COL28A1: variants seen among roughly 807,000 people sequenced by gnomAD.
COL28A1 encodes collagen type XXVIII alpha 1 chain.
A neutral mutation model predicts 150.2 loss-of-function variants in COL28A1; 161 were observed. The ratio of observed to expected loss-of-function variants is 1.07; its 90% CI spans 0.94 to 1.22. The LOEUF is 1.22. Among genes scored for constraint, COL28A1 ranks in the 50% most tolerant of loss-of-function variants. COL28A1 has a pLI of 0.00. For missense variants in COL28A1, 1,617 were observed against 1,388.3 expected, an observed-to-expected ratio of 1.16 and a Z score of -2.62; for synonymous variants, 552 against 469.7, an observed-to-expected ratio of 1.18 and a Z score of -2.26.
At chr7:7,387,197 T>C (rs17167202) in intron 27 of COL28A1, among the ~76,000 whole-genome samples, 24,341 of 152,008 alleles carry the variant, frequency 0.16, 2,775 homozygotes, top group African/African-American at 0.32. Context: ...CTTGCAAGAA[T>C]GAATCCTGGG....
intron 27 of COL28A1, among the ~76,000 whole-genome samples, chr7:7,394,162 T>C (rs1486266446): frequency 6.6e-6 from 1 of 152,144 alleles, no homozygotes; most frequent in Non-Finnish European, 1.5e-5. Flanking sequence ...GCACAGTCCC[T>C]CATGGCTTCC....
chr7:7,371,030 T>G (rs1781199394), intron 32 of COL28A1, 148 bp from the exon 33 acceptor site: 1 of 612,044 alleles, frequency 1.6e-6, no homozygotes, highest in African/African-American at 1.9e-5. Context: ...TAAAAGCATT[T>G]TTACATCCTG....
At chr7:7,367,571 C>A (rs1781000077) in intron 33 of COL28A1, among the ~76,000 whole-genome samples, 1 of 152,006 alleles carries the variant, frequency 6.6e-6, no homozygotes, top group Non-Finnish European at 1.5e-5. Flanking sequence ...TCATGTGGCT[C>A]TTGGTGTTAT....
rs367935779 is a variant in COL28A1, at chr7:7,515,276, G to A, written c.882+538C>T. 5.9e-5 allele frequency among the ~76,000 whole-genome samples: 9 copies of A among 152,196 alleles called. No individual in the cohort carries two copies. In the South Asian group the frequency reaches 6.2e-4, roughly 11 times the overall value. On this transcript the variant is annotated intron_variant, in intron 8 of 34. Transcript: ENST00000399429. ...AGTTTGGTATCCTAACTTGTAACTC[G>A]CAAATAATCATCAAATCATCTACCA...
At chr7:7,495,187 T>C (rs1308319344) in intron 11 of COL28A1, among the ~76,000 whole-genome samples, 2 of 152,232 alleles carry the variant, frequency 1.3e-5, no homozygotes, top group African/African-American at 2.4e-5. Context: ...CATTTTGACA[T>C]GTAATCAACA....
At chr7:7,411,884 G>C (rs1562577352) in intron 27 of COL28A1, among the ~76,000 whole-genome samples, 1 of 152,202 alleles carries the variant, frequency 6.6e-6, no homozygotes, top group Non-Finnish European at 1.5e-5. Context: ...ACAGTATCAG[G>C]AGAATGACGG....
the COL28A1 span, among the ~76,000 whole-genome samples, chr7:7,541,869 A>C: frequency 6.6e-6 from 1 of 152,190 alleles, no homozygotes; most frequent in South Asian, 2.1e-4. Flanking sequence ...ACTGGATAGA[A>C]AACAGATAGA....
chr7:7,498,933 A>G (rs190040550), intron 11 of COL28A1, among the ~76,000 whole-genome samples: 1 of 152,206 alleles, frequency 6.6e-6, no homozygotes, highest in East Asian at 1.9e-4. Context: ...CACACAGAGT[A>G]TATATACCCC....
At position 7,432,537 on chromosome 7, in the gene COL28A1, G is replaced by C; in HGVS notation, c.1934C>G (p.Pro645Arg). ...KGDGYPGVPGPRGLPGPPGPM... is the reference protein window; with the variant it reads ...KGDGYPGVPGRRGLPGPPGPM... ...CCCAGGGGGTCCTGGTAATCCACGA[G>C]GTCCCTGAGATGACACAGTAAGGGA... Residue 645 changes from proline (P) to arginine (R), a missense_variant, in exon 25 of 35, where the codon CCT becomes CGT. Pro to Arg is a moderately radical substitution (Grantham distance 103). Transcript: ENST00000399429. 6.2e-7 allele frequency: 1 copy of C among 1,613,940 alleles called. No homozygotes were observed. The highest frequency in any genetic ancestry group is 8.5e-7 in the Non-Finnish European group (1 of 1,179,908).
intron 17 of COL28A1, 49 bp downstream of exon 17, chr7:7,453,391 G>A: frequency 1.1e-6 from 1 of 877,232 alleles, no homozygotes; most frequent in East Asian, 2.4e-5. Context: ...TCAGAAAACA[G>A]CAATTATACT....
chr7:7,472,195 T>G (rs571761632), intron 15 of COL28A1, among the ~76,000 whole-genome samples: 3 of 152,034 alleles, frequency 2.0e-5, no homozygotes, highest in South Asian at 2.1e-4. Context: ...GAGAAAGAAA[T>G]AAAGAACATC....
intron 27 of COL28A1, among the ~76,000 whole-genome samples, chr7:7,387,218 T>G (rs114240897): frequency 6.6e-6 from 1 of 152,104 alleles, no homozygotes; most frequent in Non-Finnish European, 1.5e-5. Flanking sequence ...CCCAGATCTT[T>G]AGAGATGCCC....
intron 30 of COL28A1, among the ~76,000 whole-genome samples, chr7:7,379,354 A>T (rs1180347849): frequency 6.6e-6 from 1 of 152,164 alleles, no homozygotes; most frequent in Non-Finnish European, 1.5e-5. Flanking sequence ...AGTCAGCAGA[A>T]TGATGTCCCT....
At chr7:7,342,063 C>T in the COL28A1 span, among the ~76,000 whole-genome samples, 9 of 152,162 alleles carry the variant, frequency 5.9e-5, no homozygotes, top group East Asian at 1.2e-3. Context: ...ATTTTGGCTC[C>T]GCCTATTTCT....
chr7:7,378,689 T>A (rs1241959607), intron 30 of COL28A1, among the ~76,000 whole-genome samples: 2 of 152,162 alleles, frequency 1.3e-5, no homozygotes, highest in Non-Finnish European at 2.9e-5. Context: ...ACAGGCCACC[T>A]CTAGCTATAA....
At chr7:7,472,410 C>T (rs759847522) in intron 15 of COL28A1, among the ~76,000 whole-genome samples, 3 of 151,846 alleles carry the variant, frequency 2.0e-5, no homozygotes, top group African/African-American at 7.3e-5. Context: ...AGAACTCAAC[C>T]CTTTTTACAA....
intron 27 of COL28A1, among the ~76,000 whole-genome samples, chr7:7,397,017 T>C (rs1782872181): frequency 6.6e-6 from 1 of 152,206 alleles, no homozygotes; most frequent in Non-Finnish European, 1.5e-5. Context: ...TGGACCAAGA[T>C]GCTGCTGACA....
chr7:7,516,628 G>C (rs570037829), intron 7 of COL28A1, among the ~76,000 whole-genome samples: 3 of 152,170 alleles, frequency 2.0e-5, no homozygotes, highest in Admixed American at 2.0e-4. Flanking sequence ...TTTCAAATAT[G>C]GAAATAGAAT....
intron 20 of COL28A1, among the ~76,000 whole-genome samples, chr7:7,443,057 G>A (rs1264681945): frequency 6.6e-6 from 1 of 151,850 alleles, no homozygotes; most frequent in Admixed American, 6.6e-5. Flanking sequence ...AAAATTGCAG[G>A]AAGACCTGGA....
Sources: allele counts gnomAD v4.1 joint callset (sites outside exome capture counted in the v4.1 genomes callset), GRCh38; gene constraint gnomAD v4.1.1; transcripts MANE v1.5; gene names NCBI Gene and HGNC (gene_info 2026-07-23, HGNC 2026-07-21).